Variants in POTEJ observed in about 807,000 individuals in gnomAD.
POTEJ encodes POTE ankyrin domain family member J.
In POTEJ, 11 loss-of-function variants were observed where a neutral mutation model predicts 69.0. The observed-to-expected ratio is 0.16, with a 90% CI of 0.10 to 0.26. The LOEUF (loss-of-function observed/expected upper bound fraction) is 0.26, where lower values mean the gene tolerates loss of function less well. Ranked by LOEUF, POTEJ falls within the 10% of genes least tolerant of loss-of-function variation. The pLI is 1.00. For synonymous variants in POTEJ, 117 were observed against 381.1 expected, an observed-to-expected ratio of 0.31 and a Z score of 8.07; for missense variants, 327 against 1,045.5, an observed-to-expected ratio of 0.31 and a Z score of 9.48.
At chr2:130,639,023 T>C (rs1371036155) in intron 10 of POTEJ, among the ~76,000 whole-genome samples, 3 of 152,274 alleles carry the variant, frequency 2.0e-5, no homozygotes, top group African/African-American at 7.2e-5. Context: ...CCTAGATCCC[T>C]CAGATGGGCA....
chr2:130,651,886 C>A (rs1328933707), intron 13 of POTEJ, among the ~76,000 whole-genome samples: 13 of 144,500 alleles, frequency 9.0e-5, no homozygotes, highest in African/African-American at 3.4e-4. Flanking sequence ...TTTATGAGAT[C>A]ATTTTGTTTT....
intron 13 of POTEJ, among the ~76,000 whole-genome samples, chr2:130,647,977 T>C (rs1686652004): frequency 1.4e-5 from 2 of 147,252 alleles, no homozygotes; most frequent in Non-Finnish European, 3.0e-5. Flanking sequence ...AAACTACATT[T>C]ATAAAATAAG....
At chr2:130,624,692 T>C (rs1350957569) in intron 6 of POTEJ, among the ~76,000 whole-genome samples, 1 of 151,816 alleles carries the variant, frequency 6.6e-6, no homozygotes, top group African/African-American at 2.4e-5. Flanking sequence ...GGACCCCTGC[T>C]CTGCGTGGTC....
intron 9 of POTEJ, among the ~76,000 whole-genome samples, chr2:130,636,229 T>C (rs1686083542): frequency 2.0e-5 from 3 of 152,008 alleles, no homozygotes; most frequent in Non-Finnish European, 1.5e-5. Context: ...AAGAAAAGGG[T>C]AAAAAGAAAC....
At chr2:130,623,968 G>C in intron 5 of POTEJ, 96 bp from the exon 6 acceptor site, 1 of 1,249,686 alleles carries the variant, frequency 8.0e-7, no homozygotes, top group Non-Finnish European at 1.1e-6. Flanking sequence ...CTGATATTCT[G>C]ATATTGTTTG....
intron 9 of POTEJ, among the ~76,000 whole-genome samples, chr2:130,635,164 ACTTTTT>A (rs1370204440): frequency 9.9e-5 from 13 of 131,146 alleles, no homozygotes; most frequent in African/African-American, 3.3e-4. Flanking sequence ...CTTTCTCCTG[ACTTTTT>A]CTTTTTCTTT....
rs187695278 is a variant in POTEJ, at chr2:130,657,035, G to T, written c.2275G>T (p.Val759Leu). Residue 759 changes from valine to leucine, a missense_variant, in exon 15 of 15, where the codon GTG (valine) becomes TTG (leucine). Coordinates refer to ENST00000409602, the MANE Select transcript of POTEJ (RefSeq NM_001277083.2). ...WHHTFYNELRVAPEEHPILLT... is the reference protein window; with the variant it reads ...WHHTFYNELRLAPEEHPILLT... ...CCACACCTTCTACAACGAGCTGCGT[G>T]TGGCCCCCGAGGAGCACCCCATCCT... The T allele has an allele frequency of 6.3e-7, 1 of 1,582,400 alleles. No individual in the cohort carries two copies. Among genetic ancestry groups the T allele is most frequent in the Non-Finnish European group, 8.6e-7 (1 of 1,157,294 alleles).
chr2:130,657,506 G>C lies in POTEJ; in HGVS notation c.2746G>C (p.Glu916Gln). ...TGGCCAGGTCATCACCATCAGCAAC[G>C]AGTGGTTCCGCTGCCCCGAGGCGCT... The part of the protein sequence containing the change: ...PDGQVITISN[E>Q]WFRCPEALFQ... The change falls in exon 15 of 15, where the codon GAG becomes CAG. Residue 916 changes from glutamate (E) to glutamine (Q), a missense_variant. Glu to Gln is a conservative substitution (Grantham distance 29). Transcript: ENST00000409602. 1 of 1,570,248 alleles carries C rather than the reference G, an allele frequency of 6.4e-7. No homozygotes were observed. Among genetic ancestry groups the C allele is most frequent in the South Asian group, 1.1e-5 (1 of 90,456 alleles).
At chr2:130,628,974 T>C (rs1685805955) in intron 6 of POTEJ, among the ~76,000 whole-genome samples, 1 of 148,184 alleles carries the variant, frequency 6.7e-6, no homozygotes, top group Non-Finnish European at 1.5e-5. Flanking sequence ...GAGCTGAGAT[T>C]GCGACACTGC....
intron 10 of POTEJ, among the ~76,000 whole-genome samples, chr2:130,641,300 T>G (rs1686363305): frequency 6.6e-6 from 1 of 152,072 alleles, no homozygotes; most frequent in South Asian, 2.1e-4. Flanking sequence ...GTAGCATCAA[T>G]GTATTATAAG....
At chr2:130,613,278 A>G in intron 1 of POTEJ, among the ~76,000 whole-genome samples, 1 of 56,912 alleles carries the variant, frequency 1.8e-5, no homozygotes, top group East Asian at 6.6e-4. Flanking sequence ...ATATATACAT[A>G]TGTATATATA....
chr2:130,644,262 A>C, intron 11 of POTEJ, among the ~76,000 whole-genome samples: 1 of 142,912 alleles, frequency 7.0e-6, no homozygotes, highest in South Asian at 2.3e-4. Context: ...CGAGGTCTGG[A>C]GATCGAGACC....
At chr2:130,629,103 C>G (rs1454870315) in intron 6 of POTEJ, among the ~76,000 whole-genome samples, 1 of 151,938 alleles carries the variant, frequency 6.6e-6, no homozygotes, top group Admixed American at 6.6e-5. Context: ...ACATTGTACA[C>G]TAATAAAGGT....
At chr2:130,627,355 G>A (rs1203717348) in intron 6 of POTEJ, among the ~76,000 whole-genome samples, 48 of 148,650 alleles carry the variant, frequency 3.2e-4, no homozygotes, top group African/African-American at 1.2e-3. Flanking sequence ...TCAAAAGTTA[G>A]CATCCACAGA....
chr2:130,628,875 G>A (rs1685801442), intron 6 of POTEJ, among the ~76,000 whole-genome samples: 3 of 145,732 alleles, frequency 2.1e-5, no homozygotes, highest in Non-Finnish European at 4.5e-5. Flanking sequence ...AAAATTAGCA[G>A]GGCCTGATGG....
intron 10 of POTEJ, among the ~76,000 whole-genome samples, chr2:130,640,954 T>A (rs1396265483): frequency 1.3e-5 from 2 of 151,984 alleles, no homozygotes; most frequent in Non-Finnish European, 2.9e-5. Context: ...TAAATTTGAG[T>A]ATTAAGGCGT....
intron 6 of POTEJ, among the ~76,000 whole-genome samples, chr2:130,626,926 G>A (rs1685731707): frequency 6.6e-6 from 1 of 152,148 alleles, no homozygotes; most frequent in Admixed American, 6.5e-5. Context: ...TTAAATAAAA[G>A]CCATTTTGTA....
At chr2:130,613,751 C>CT (rs1273770467) in intron 1 of POTEJ, among the ~76,000 whole-genome samples, 4 of 127,506 alleles carry the variant, frequency 3.1e-5, no homozygotes, top group Non-Finnish European at 4.8e-5. Flanking sequence ...GGGCAAAGTA[C>CT]TTTTTTTGCA....
At chr2:130,640,606 G>A (rs1307880180) in intron 10 of POTEJ, among the ~76,000 whole-genome samples, 1 of 151,842 alleles carries the variant, frequency 6.6e-6, no homozygotes, top group Non-Finnish European at 1.5e-5. Context: ...CAAACATCTT[G>A]TTCTCACAAC....
Sources: gnomAD v4.1 joint callset for allele counts (sites outside exome capture counted in the v4.1 genomes callset) on GRCh38, gnomAD v4.1.1 for gene constraint, MANE v1.5 for transcripts, NCBI Gene and HGNC (gene_info 2026-07-23, HGNC 2026-07-21) for gene names.